NEGR1: variants seen among roughly 807,000 people sequenced by gnomAD.
The protein encoded by NEGR1 is IgLON family member 4.
In NEGR1, 10 loss-of-function variants were observed where a neutral mutation model predicts 40.9. The observed-to-expected ratio is 0.24, with a 90% CI of 0.15 to 0.42. The LOEUF is 0.42. NEGR1 is among the 10% of genes least tolerant of loss of function. The pLI is 1.00. For synonymous variants in NEGR1, 185 were observed against 166.8 expected, an observed-to-expected ratio of 1.11 and a Z score of -0.84; for missense variants, 352 against 438.9, an observed-to-expected ratio of 0.80 and a Z score of 1.77.
At chr1:72,233,187 G>T (rs912185610) in intron 1 of NEGR1, among the ~76,000 whole-genome samples, 2 of 152,094 alleles carry the variant, frequency 1.3e-5, no homozygotes, top group Non-Finnish European at 2.9e-5. Flanking sequence ...TCAAGGTGTG[G>T]TTCCTGTTAA....
chr1:71,728,725 G>C (rs1016909703), intron 3 of NEGR1, among the ~76,000 whole-genome samples: 1 of 152,062 alleles, frequency 6.6e-6, no homozygotes, highest in Non-Finnish European at 1.5e-5. Flanking sequence ...AGAGTTTTTA[G>C]CACTAAATAA....
At chr1:71,719,583 C>T (rs1054546174) in intron 3 of NEGR1, among the ~76,000 whole-genome samples, 3 of 151,260 alleles carry the variant, frequency 2.0e-5, no homozygotes, top group South Asian at 4.2e-4. Context: ...AGTTTCCAGA[C>T]GTTTGAAATG....
chr1:72,173,695 C>G (rs1570078830), intron 1 of NEGR1, among the ~76,000 whole-genome samples: 1 of 152,056 alleles, frequency 6.6e-6, no homozygotes, highest in Non-Finnish European at 1.5e-5. Flanking sequence ...AATCCCATAA[C>G]TTTTGGAGGC....
intron 1 of NEGR1, among the ~76,000 whole-genome samples, chr1:72,007,417 C>CT: frequency 6.6e-6 from 1 of 150,710 alleles, no homozygotes; most frequent in Middle Eastern, 3.4e-3. Flanking sequence ...TTTCTCCTTT[C>CT]TTTTTTAACC....
At chr1:71,804,786 T>C (rs1252038263) in intron 2 of NEGR1, among the ~76,000 whole-genome samples, 1 of 152,128 alleles carries the variant, frequency 6.6e-6, no homozygotes, top group East Asian at 1.9e-4. Context: ...AGCATGTGTG[T>C]TTGAACAATA....
Position 71,494,849 on chromosome 1 carries a change from G to A in NEGR1, c.941-87279C>T, listed in dbSNP as rs1179218783. Among the ~76,000 whole-genome samples, 6 of 151,916 alleles carry A rather than the reference G, an allele frequency of 3.9e-5. No individual in the cohort carries two copies. The East Asian group carries it at 9.7e-4, about 25-fold the overall frequency. ...TGACTGTTCACCCTTGAACAGTGTG[G>A]GTTTGAGCTGCACAGGTCCACTTAT... is the stretch of plus-strand genomic sequence containing the variant. On this transcript the variant is annotated intron_variant, in intron 6 of 6. Coordinates refer to ENST00000357731, the MANE Select transcript of NEGR1 (RefSeq NM_173808.3).
At chr1:71,412,320 C>G (rs368510836) in intron 6 of NEGR1, among the ~76,000 whole-genome samples, 1 of 152,158 alleles carries the variant, frequency 6.6e-6, no homozygotes, top group Non-Finnish European at 1.5e-5. Context: ...TTATTAAAGT[C>G]CTGCTCATCC....
intron 6 of NEGR1, among the ~76,000 whole-genome samples, chr1:71,554,181 A>C (rs751686259): frequency 6.6e-6 from 1 of 151,602 alleles, no homozygotes; most frequent in Non-Finnish European, 1.5e-5. Context: ...TTAACATTTT[A>C]GCCCCCAAAA....
chr1:71,491,600 T>G (rs1646928198), intron 6 of NEGR1, among the ~76,000 whole-genome samples: 1 of 149,216 alleles, frequency 6.7e-6, no homozygotes, highest in Non-Finnish European at 1.5e-5. Context: ...TAAATGAAAA[T>G]ATGACCTCAC....
intron 1 of NEGR1, among the ~76,000 whole-genome samples, chr1:72,119,429 C>T (rs943830542): frequency 2.6e-5 from 4 of 151,688 alleles, no homozygotes; most frequent in African/African-American, 9.7e-5. Context: ...ATTTAGCACA[C>T]ATTTATTTTA....
chr1:72,055,936 A>C (rs1647106188), intron 1 of NEGR1, among the ~76,000 whole-genome samples: 1 of 150,544 alleles, frequency 6.6e-6, no homozygotes, highest in Non-Finnish European at 1.5e-5. Flanking sequence ...GTGTTACCTT[A>C]AGTAAACTAC....
intron 2 of NEGR1, among the ~76,000 whole-genome samples, chr1:71,887,992 G>GACACACAC (rs57794150): frequency 2.5e-4 from 34 of 138,272 alleles, no homozygotes; most frequent in East Asian, 2.4e-3. Flanking sequence ...CTTTTGAAAG[G>GACACACAC]ACACACACAC....
chr1:71,449,161 T>G (rs1569885415), intron 6 of NEGR1, among the ~76,000 whole-genome samples: 1 of 152,326 alleles, frequency 6.6e-6, no homozygotes, highest in East Asian at 1.9e-4. Context: ...AGAATTCATT[T>G]TCACTATTGT....
intron 5 of NEGR1, among the ~76,000 whole-genome samples, chr1:71,600,883 CTG>C (rs1649895041): frequency 6.6e-6 from 1 of 152,180 alleles, no homozygotes; most frequent in African/African-American, 2.4e-5. Flanking sequence ...TGGGTAGACT[CTG>C]TGTGTGCAGT....
intron 4 of NEGR1, among the ~76,000 whole-genome samples, chr1:71,651,352 T>C (rs113091502): frequency 1.7e-4 from 26 of 152,232 alleles, no homozygotes; most frequent in African/African-American, 5.8e-4. Context: ...AGAAAACTCA[T>C]TAAATTTTTT....
chr1:71,815,473 G>C (rs1045256630), intron 2 of NEGR1, among the ~76,000 whole-genome samples: 10 of 152,000 alleles, frequency 6.6e-5, no homozygotes, highest in African/African-American at 2.2e-4. Flanking sequence ...TTAATTTTCT[G>C]TCTCAATTAT....
rs1414417348 is a variant in NEGR1, at chr1:72,216,866, T to C, written c.176+65453A>G. On this transcript the variant is annotated intron_variant, in intron 1 of 6. Coordinates refer to ENST00000357731, the MANE Select transcript of NEGR1 (RefSeq NM_173808.3). ...CTATCATATATATACCTTAAACTGA[T>C]TTAAAGTGCTATAAAAATATTAACC... 1.5e-4 allele frequency among the ~76,000 whole-genome samples: 22 copies of C among 151,586 alleles called. No individual in the cohort carries two copies. The Admixed American group carries it at 1.5e-3, about 10-fold the overall frequency.
At chr1:71,811,686 G>T (rs1239832537) in intron 2 of NEGR1, among the ~76,000 whole-genome samples, 1 of 150,668 alleles carries the variant, frequency 6.6e-6, no homozygotes, top group African/African-American at 2.4e-5. Context: ...GCCTGTTTTA[G>T]AGAAGAAGTT....
intron 2 of NEGR1, among the ~76,000 whole-genome samples, chr1:71,931,753 C>T (rs1256808114): frequency 6.6e-6 from 1 of 152,132 alleles, no homozygotes; most frequent in African/African-American, 2.4e-5. Flanking sequence ...TTGGGGGACA[C>T]ATTCTAACCA....
Sources: allele counts gnomAD v4.1 joint callset (sites outside exome capture counted in the v4.1 genomes callset), GRCh38; gene constraint gnomAD v4.1.1; transcripts MANE v1.5; gene names NCBI Gene and HGNC (gene_info 2026-07-23, HGNC 2026-07-21).